Variants in RAB30 observed in about 807,000 individuals in gnomAD.
RAB30 encodes the protein ras-related protein Rab-30.
A neutral mutation model predicts 25.1 loss-of-function variants in RAB30; 9 were observed. That is an observed-to-expected ratio of 0.36 (90% CI 0.22 to 0.63). RAB30 has a LOEUF of 0.63. Among genes scored for constraint, RAB30 ranks in the 20% least tolerant of loss-of-function variants. The pLI, the probability that RAB30 is intolerant of heterozygous loss-of-function variation, is 0.69. For synonymous variants in RAB30, 77 were observed against 86.4 expected, an observed-to-expected ratio of 0.89 and a Z score of 0.60; for missense variants, 140 against 243.5, an observed-to-expected ratio of 0.58 and a Z score of 2.83.
intron 1 of RAB30, chr11:83,034,439 C>T (rs1857943662): frequency 6.6e-6 from 1 of 152,218 alleles, no homozygotes. Flanking sequence ...CTCAGTAAAT[C>T]CTTCCATAGC....
intron 1 of RAB30, among the ~76,000 whole-genome samples, chr11:83,039,783 T>C (rs2121514849): frequency 6.6e-6 from 1 of 152,174 alleles, no homozygotes; most frequent in South Asian, 2.1e-4. Flanking sequence ...TGAGTAAGAC[T>C]TCCACAGGAA....
chr11:82,987,530 A>G lies in RAB30; in HGVS notation c.361+57T>C, dbSNP rs772268228. ...GGCACCAATGTATAAGCTTTATGTGATTATAAATCCTCTAATGCCCACAAA... is the reference window on the plus strand; with the variant it reads ...GGCACCAATGTATAAGCTTTATGTGGTTATAAATCCTCTAATGCCCACAAA... On this transcript the variant is annotated intron_variant, in intron 4 of 4. Transcript: ENST00000527633. 2.7e-6 allele frequency: 4 copies of G among 1,499,174 alleles called. No individual in the cohort carries two copies. The South Asian group carries it at 5.0e-5, about 19-fold the overall frequency. 92.9% of individuals were successfully genotyped at this position (1,499,174 alleles called of 1,614,324 possible).
intron 1 of RAB30, among the ~76,000 whole-genome samples, chr11:83,014,147 A>G (rs1028972578): frequency 3.3e-5 from 5 of 152,370 alleles, no homozygotes; most frequent in Admixed American, 3.3e-4. Context: ...CAAGAAAAGT[A>G]TCAGACAGTG....
At chr11:82,982,507 C>T in intron 4 of RAB30, 92 bp from the exon 5 acceptor site, 2 of 1,342,894 alleles carry the variant, frequency 1.5e-6, no homozygotes, top group Non-Finnish European at 2.1e-6. Flanking sequence ...TGAAGTCAAG[C>T]CAGACAGATG....
chr11:83,051,267 C>A (rs1020242664), intron 1 of RAB30, among the ~76,000 whole-genome samples: 1 of 152,156 alleles, frequency 6.6e-6, no homozygotes, highest in African/African-American at 2.4e-5. Flanking sequence ...CCAGGAATAA[C>A]CATGTTGAAC....
chr11:83,059,006 G>A (rs1423181916), intron 1 of RAB30, among the ~76,000 whole-genome samples: 2 of 152,206 alleles, frequency 1.3e-5, no homozygotes, highest in South Asian at 2.1e-4. Context: ...GCAATGGCAC[G>A]ATCTTGGCTC....
intron 1 of RAB30, among the ~76,000 whole-genome samples, chr11:83,059,668 G>C (rs1858526848): frequency 6.6e-6 from 1 of 152,174 alleles, no homozygotes; most frequent in Admixed American, 6.5e-5. Context: ...ATACGACCCT[G>C]GGAAAGTTAC....
intron 1 of RAB30, among the ~76,000 whole-genome samples, chr11:83,058,773 C>T (rs1180081260): frequency 6.6e-6 from 1 of 152,206 alleles, no homozygotes; most frequent in Non-Finnish European, 1.5e-5. Context: ...GACTAGACAT[C>T]CCCTATTATA....
At chr11:83,008,822 T>C (rs894776640) in intron 1 of RAB30, among the ~76,000 whole-genome samples, 2 of 152,156 alleles carry the variant, frequency 1.3e-5, no homozygotes, top group Admixed American at 6.6e-5. Flanking sequence ...CAGCCTACTG[T>C]GGACTTCTAA....
intron 1 of RAB30, among the ~76,000 whole-genome samples, chr11:83,033,410 C>A (rs1857919715): frequency 1.3e-5 from 2 of 152,092 alleles, no homozygotes; most frequent in Non-Finnish European, 2.9e-5. Flanking sequence ...GGATGTGGAA[C>A]AAATGTTTTA....
chr11:82,978,698 C>A lies in RAB30; in HGVS notation c.*3467G>T, dbSNP rs1473276779. 6.6e-6 allele frequency: 1 copy of A among 152,032 alleles called. No homozygotes were observed. The highest frequency in any genetic ancestry group is 6.6e-5 in the Admixed American group (1 of 15,260). 9.4% of individuals were successfully genotyped at this position (152,032 alleles called of 1,614,324 possible). On this transcript the variant is annotated 3_prime_UTR_variant, in exon 5 of 5. Coordinates refer to ENST00000527633, the MANE Select transcript of RAB30 (RefSeq NM_001286060.2). ...AAGGGTAATGTGGCAAATCATTGGC[C>A]TAATTCTGTGGGAATCACCAGTGTC...
chr11:83,007,490 T>G (rs1316912980), intron 1 of RAB30, among the ~76,000 whole-genome samples: 2 of 152,258 alleles, frequency 1.3e-5, no homozygotes, highest in African/African-American at 4.8e-5. Flanking sequence ...CAAAACGGAT[T>G]TGGGATTCCA....
intron 1 of RAB30, among the ~76,000 whole-genome samples, chr11:83,061,354 A>G (rs1206443242): frequency 2.6e-5 from 4 of 152,122 alleles, no homozygotes; most frequent in Non-Finnish European, 4.4e-5. Flanking sequence ...AAAGAACACA[A>G]CTGTATTGGG....
At chr11:83,067,756 C>A (rs1283223725) in intron 1 of RAB30, among the ~76,000 whole-genome samples, 2 of 152,156 alleles carry the variant, frequency 1.3e-5, no homozygotes, top group Admixed American at 6.5e-5. Context: ...CTTTGGGAGG[C>A]AGAGGCAGGT....
rs796092541 is a variant in RAB30 at position 82,978,691 on chromosome 11, CATTGG to C, written c.*3469_*3473del. ...TAGCTTAAAGGGTAATGTGGCAAAT[CATTGG>C]CCTAATTCTGTGGGAATCACCAGTG... is the stretch of plus-strand genomic sequence containing the variant. On this transcript the variant is annotated 3_prime_UTR_variant, in exon 5 of 5. Coordinates refer to ENST00000527633, the MANE Select transcript of RAB30 (RefSeq NM_001286060.2). 6.6e-6 allele frequency: 1 copy of C among 152,248 alleles called. No homozygotes were observed. Among genetic ancestry groups the C allele is most frequent in the African/African-American group, 2.4e-5 (1 of 41,552 alleles). 9.4% of individuals were successfully genotyped at this position (152,248 alleles called of 1,614,324 possible). A position where few individuals can be genotyped will look rare whatever the true frequency, so the allele number is the denominator to read the frequency against.
At chr11:83,046,315 C>A (rs1221972818) in intron 1 of RAB30, among the ~76,000 whole-genome samples, 1 of 152,074 alleles carries the variant, frequency 6.6e-6, no homozygotes, top group African/African-American at 2.4e-5. Flanking sequence ...TAGGCCTGAC[C>A]TCTAGGGATC....
At chr11:83,058,998 A>G (rs1433099931) in intron 1 of RAB30, among the ~76,000 whole-genome samples, 1 of 152,244 alleles carries the variant, frequency 6.6e-6, no homozygotes, top group Non-Finnish European at 1.5e-5. Flanking sequence ...GTTGGAGTGC[A>G]ATGGCACGAT....
At chr11:83,021,819 T>C (rs1342547332) in intron 1 of RAB30, among the ~76,000 whole-genome samples, 1 of 152,268 alleles carries the variant, frequency 6.6e-6, no homozygotes, top group East Asian at 1.9e-4. Flanking sequence ...AAATGAGATA[T>C]TTTTGTAAAG....
intron 1 of RAB30, among the ~76,000 whole-genome samples, chr11:82,999,849 C>G (rs931888385): frequency 6.6e-6 from 1 of 152,038 alleles, no homozygotes; most frequent in Admixed American, 6.6e-5. Context: ...CCACAATGAC[C>G]TCCTTTCCTG....
Sources: gnomAD v4.1 joint callset for allele counts (sites outside exome capture counted in the v4.1 genomes callset) on GRCh38, gnomAD v4.1.1 for gene constraint, MANE v1.5 for transcripts, NCBI Gene and HGNC (gene_info 2026-07-23, HGNC 2026-07-21) for gene names.